The following ZDHHC23 variants were observed in gnomAD, a reference collection of about 807,000 sequenced individuals.
ZDHHC23 encodes the protein palmitoyltransferase ZDHHC23.
ZDHHC23 carries 41 observed loss-of-function variants against 40.2 expected under a neutral mutation model. The ratio of observed to expected loss-of-function variants is 1.02; its 90% CI spans 0.79 to 1.32. The LOEUF (loss-of-function observed/expected upper bound fraction) is 1.32. Among genes scored for constraint, ZDHHC23 ranks in the 40% most tolerant of loss-of-function variants. The pLI is 0.00. For missense variants in ZDHHC23, 471 were observed against 541.5 expected (o/e 0.87, Z 1.29); for synonymous variants, 204 against 210.2 (o/e 0.97, Z 0.26).
At chr3:113,957,958 C>T in intron 4 of ZDHHC23, 1 of 383,216 alleles carries the variant, frequency 2.6e-6, no homozygotes, top group South Asian at 2.0e-5. Context: ...TCCTCGGCAT[C>T]CACCTGCAGC....
intron 4 of ZDHHC23, 52 bp downstream of exon 4, chr3:113,956,558 G>A (rs562195049): frequency 1.6e-5 from 24 of 1,533,684 alleles, no homozygotes; most frequent in Non-Finnish European, 2.1e-5. Flanking sequence ...AATGGGTGTT[G>A]CCATTGACAG....
intron 2 of ZDHHC23, among the ~76,000 whole-genome samples, chr3:113,949,788 A>G (rs1197833025): frequency 2.6e-5 from 4 of 152,228 alleles, no homozygotes; most frequent in Non-Finnish European, 5.9e-5. Flanking sequence ...AACTTGATAC[A>G]TTAATACAGC....
rs1056360693 is a variant in ZDHHC23, at chr3:113,949,017, A to G, written c.161+54A>G. The G allele has an allele frequency of 4.4e-6, 7 of 1,600,120 alleles. No homozygotes were observed. The African/African-American group carries it at 8.1e-5, about 18-fold the overall frequency. Reference sequence around the variant, plus strand: ...CCCCATCACCCTTCTGAGAACTGCCATGTGTACTTTCAACCTAGCCACCCA... The same window carrying G: ...CCCCATCACCCTTCTGAGAACTGCCGTGTGTACTTTCAACCTAGCCACCCA... On this transcript the variant is annotated intron_variant, in intron 2 of 4. Transcript: ENST00000638807.
chr3:113,974,109 T>G, the ZDHHC23 span, among the ~76,000 whole-genome samples: 1 of 152,134 alleles, frequency 6.6e-6, no homozygotes, highest in Non-Finnish European at 1.5e-5. Flanking sequence ...TATTTCTCAG[T>G]TCCAAGATTT....
rs1453585423 is a variant in ZDHHC23, at chr3:113,962,656, T to C, written c.*4026T>C. Reference sequence around the variant, plus strand: ...TGGGTGATTGGATGGTTTGAGTTGTTAGGGATTTTGAGTTTTTCATTTTAT... The same window carrying C: ...TGGGTGATTGGATGGTTTGAGTTGTCAGGGATTTTGAGTTTTTCATTTTAT... On this transcript the variant is annotated 3_prime_UTR_variant, in exon 5 of 5. Transcript: ENST00000638807. 2 of 152,168 alleles carry C rather than the reference T, an allele frequency of 1.3e-5. No homozygotes were observed. Among genetic ancestry groups the C allele is most frequent in the Non-Finnish European group, 2.9e-5 (2 of 68,030 alleles). 9.4% of individuals were successfully genotyped at this position (152,168 alleles called of 1,614,324 possible).
At chr3:113,979,024 T>A in the ZDHHC23 span, 11 of 1,610,420 alleles carry the variant, frequency 6.8e-6, no homozygotes, top group Admixed American at 1.7e-4. Context: ...GACAATTTTT[T>A]AAATGAGAAA....
chr3:113,958,048 A>G (rs942780863), intron 4 of ZDHHC23, among the ~76,000 whole-genome samples: 6 of 152,118 alleles, frequency 3.9e-5, no homozygotes, highest in African/African-American at 1.4e-4. Context: ...TTACTTGTTT[A>G]TTTAACAAAC....
intron 2 of ZDHHC23, among the ~76,000 whole-genome samples, chr3:113,951,702 C>T (rs373269198): frequency 2.0e-5 from 3 of 152,198 alleles, no homozygotes; most frequent in Non-Finnish European, 4.4e-5. Context: ...ATGACTGGCA[C>T]GGGGCTAATC....
the ZDHHC23 span, among the ~76,000 whole-genome samples, chr3:113,976,172 T>G: frequency 1.3e-5 from 2 of 151,900 alleles, no homozygotes; most frequent in Non-Finnish European, 2.9e-5. Flanking sequence ...GGCATGAGAA[T>G]CGCTTGAACC....
At chr3:113,978,294 C>A in the ZDHHC23 span, 2 of 1,613,874 alleles carry the variant, frequency 1.2e-6, no homozygotes, top group South Asian at 2.2e-5. Flanking sequence ...AAAATGTACA[C>A]AAAATTTTCT....
At chr3:113,955,270 T>C (rs1014908102) in intron 3 of ZDHHC23, among the ~76,000 whole-genome samples, 1 of 152,198 alleles carries the variant, frequency 6.6e-6, no homozygotes, top group Admixed American at 6.5e-5. Flanking sequence ...ATGGCTCAAG[T>C]GCAGGGCAGC....
At chr3:113,971,015 C>A in the ZDHHC23 span, among the ~76,000 whole-genome samples, 1 of 152,076 alleles carries the variant, frequency 6.6e-6, no homozygotes, top group African/African-American at 2.4e-5. Flanking sequence ...GTGAATAGTG[C>A]CGCAATAAAC....
intron 2 of ZDHHC23, among the ~76,000 whole-genome samples, chr3:113,951,754 A>G (rs553303531): frequency 6.6e-6 from 1 of 152,194 alleles, no homozygotes; most frequent in Admixed American, 6.5e-5. Flanking sequence ...TCTCCCAAAC[A>G]TGCTTTCTCA....
Position 113,956,457 on chromosome 3 carries a change from A to G in ZDHHC23, c.991A>G (p.Ser331Gly). The change falls in exon 4 of 5, where the codon AGT becomes GGT. Residue 331 changes from serine to glycine, a missense_variant. Physicochemically the swap from Ser to Gly is moderately conservative, Grantham distance 56. This residue lies in a region of ZDHHC23 where 346 missense variants were observed against 399.8 expected (regional missense o/e 0.87). Transcript: ENST00000638807. ...CTTGGACACCATTTGTAGAGACAGA[A>G]GTGTCTTCACAGCTCTTTTCTATTG... The part of the protein sequence containing the change: ...LTLDTICRDR[S>G]VFTALFYCPG... 1 of 1,614,210 alleles carries G rather than the reference A, an allele frequency of 6.2e-7. No individual in the cohort carries two copies. Among genetic ancestry groups the G allele is most frequent in the Non-Finnish European group, 8.5e-7 (1 of 1,180,042 alleles).
In ZDHHC23 at chr3:113,960,104, C is replaced by T; in HGVS notation, c.*1474C>T. 6.1e-6 allele frequency: 6 copies of T among 989,008 alleles called. No individual in the cohort carries two copies. Among genetic ancestry groups the T allele is most frequent in the Non-Finnish European group, 7.2e-6 (6 of 832,052 alleles). The allele number at this position is 989,008 out of a possible 1,614,324, so 61.3% of individuals were successfully genotyped here. On this transcript the variant is annotated 3_prime_UTR_variant, in exon 5 of 5. Transcript: ENST00000638807. ...TAGCTTAATATAGGGAAAATATTGC[C>T]AGCGTTTTCAGTCATTCTGTGCATG...
chr3:113,967,767 A>G (rs1467213611), downstream of ZDHHC23, among the ~76,000 whole-genome samples: 1 of 152,128 alleles, frequency 6.6e-6, no homozygotes, highest in African/African-American at 2.4e-5. Flanking sequence ...GTACCCATTA[A>G]TCAACCTCTC....
the ZDHHC23 span, among the ~76,000 whole-genome samples, chr3:113,974,352 C>T: frequency 3.3e-5 from 5 of 150,198 alleles, no homozygotes; most frequent in Non-Finnish European, 5.9e-5. Flanking sequence ...TGGAGTCTTG[C>T]TCAAGCACCT....
At position 113,956,303 on chromosome 3, in the gene ZDHHC23, T is replaced by A. The variant is rs199673460; in HGVS notation, c.873-36T>A. ...AAGTTATATCAAGAACTCTTAAAAA[T>A]GTGTTTGCTTTTTTATTTCTCTATG... On this transcript the variant is annotated intron_variant, in intron 3 of 4. Coordinates refer to ENST00000638807, the MANE Select transcript of ZDHHC23 (RefSeq NM_001320466.2). The A allele has an allele frequency of 6.9e-6, 11 of 1,586,740 alleles. No homozygotes were observed. The Admixed American group carries it at 2.0e-4, about 29-fold the overall frequency.
intron 2 of ZDHHC23, among the ~76,000 whole-genome samples, chr3:113,953,237 C>A (rs985341498): frequency 2.0e-5 from 3 of 152,172 alleles, no homozygotes; most frequent in African/African-American, 7.2e-5. Flanking sequence ...CAGATCCCAC[C>A]TTTTCCACAA....
Sources: gnomAD v4.1 joint callset for allele counts (sites outside exome capture counted in the v4.1 genomes callset) on GRCh38, gnomAD v4.1.1 for gene constraint, gnomAD v4.1.1 regional missense constraint, MANE v1.5 for transcripts, NCBI Gene and HGNC (gene_info 2026-07-23, HGNC 2026-07-21) for gene names.